The following KAZN variants were observed in gnomAD, a reference collection of about 807,000 sequenced individuals.
KAZN encodes the protein kazrin, periplakin interacting protein.
In KAZN, 40 loss-of-function variants were observed where a neutral mutation model predicts 87.4. The ratio of observed to expected loss-of-function variants is 0.46; its 90% CI spans 0.36 to 0.60. KAZN has a LOEUF of 0.60. Among genes scored for constraint, KAZN ranks in the 20% least tolerant of loss-of-function variants. The pLI is 0.00. For synonymous variants in KAZN, 466 were observed against 458.3 expected (o/e 1.02, Z -0.22); for missense variants, 898 against 1,073.9 (o/e 0.84, Z 2.29).
intron 1 of KAZN, among the ~76,000 whole-genome samples, chr1:14,653,407 G>A (rs1006563924): frequency 6.6e-6 from 1 of 152,214 alleles, no homozygotes; most frequent in Admixed American, 6.5e-5. Context: ...TGGGGCCCGT[G>A]GGAGACAATG....
At chr1:14,774,256 T>C (rs951856723) in intron 1 of KAZN, among the ~76,000 whole-genome samples, 1 of 151,680 alleles carries the variant, frequency 6.6e-6, no homozygotes, top group Non-Finnish European at 1.5e-5. Context: ...CTTGGCAGGG[T>C]CGCCTCTGTG....
intron 1 of KAZN, among the ~76,000 whole-genome samples, chr1:14,608,787 G>A (rs1475261886): frequency 2.6e-5 from 4 of 152,208 alleles, no homozygotes; most frequent in South Asian, 2.1e-4. Flanking sequence ...TTCGCAGCCA[G>A]GTCTCAGACT....
intron 2 of KAZN, among the ~76,000 whole-genome samples, chr1:14,574,544 G>A (rs1383963569): frequency 1.3e-5 from 2 of 152,188 alleles, no homozygotes; most frequent in Non-Finnish European, 2.9e-5. Flanking sequence ...CTGCCGCCAT[G>A]TAAGACATGC....
Position 14,737,929 on chromosome 1 carries a change from T to A in KAZN, c.226+138706T>A, listed in dbSNP as rs191434626. Among the ~76,000 whole-genome samples, 388 of 152,248 alleles carry A rather than the reference T, an allele frequency of 2.5e-3. 1 individual carries two copies. The highest frequency in any genetic ancestry group is 8.7e-3 in the African/African-American group (361 of 41,538). Reference sequence around the variant, plus strand: ...GTCAGGCCCACCTGGATGCTTTTTTTAAATAAAGAGCTCAAAGTCAACAGT... The same window carrying A: ...GTCAGGCCCACCTGGATGCTTTTTTAAAATAAAGAGCTCAAAGTCAACAGT... On this transcript the variant is annotated intron_variant, in intron 1 of 14. Coordinates refer to ENST00000376030, the MANE Select transcript of KAZN (RefSeq NM_201628.3).
At chr1:14,752,783 C>T (rs911328495) in intron 1 of KAZN, among the ~76,000 whole-genome samples, 2 of 152,082 alleles carry the variant, frequency 1.3e-5, no homozygotes, top group African/African-American at 4.8e-5. Context: ...GAGCCAAAAC[C>T]AGCGCTTAGT....
At chr1:14,084,566 T>C (rs1048368332) in intron 1 of KAZN, among the ~76,000 whole-genome samples, 3 of 152,134 alleles carry the variant, frequency 2.0e-5, no homozygotes, top group African/African-American at 7.2e-5. Context: ...GGGGATTGGC[T>C]ATCATTAAGC....
chr1:14,697,829 G>A (rs2148798000), intron 1 of KAZN, among the ~76,000 whole-genome samples: 1 of 152,312 alleles, frequency 6.6e-6, no homozygotes, highest in East Asian at 1.9e-4. Context: ...CTCTGGCCTG[G>A]TCCCCTGGCT....
chr1:15,045,936 G>C (rs1486371022), intron 4 of KAZN, among the ~76,000 whole-genome samples: 1 of 152,192 alleles, frequency 6.6e-6, no homozygotes, highest in Non-Finnish European at 1.5e-5. Flanking sequence ...ATGAGATTTG[G>C]CTGGGGACCC....
intron 1 of KAZN, among the ~76,000 whole-genome samples, chr1:14,904,137 T>A (rs1656228378): frequency 6.6e-6 from 1 of 152,090 alleles, no homozygotes; most frequent in African/African-American, 2.4e-5. Flanking sequence ...GCTCAGCCAC[T>A]TCCTAGTTGT....
At chr1:14,549,960 A>T (rs1673404136) in intron 2 of KAZN, among the ~76,000 whole-genome samples, 2 of 152,168 alleles carry the variant, frequency 1.3e-5, no homozygotes, top group African/African-American at 4.8e-5. Flanking sequence ...GATGTTTGGT[A>T]TATATTGTCC....
At chr1:14,095,801 C>T (rs1644114209) in intron 1 of KAZN, among the ~76,000 whole-genome samples, 1 of 152,106 alleles carries the variant, frequency 6.6e-6, no homozygotes, top group South Asian at 2.1e-4. Flanking sequence ...TTCATGGTCT[C>T]TTATGACCTA....
At chr1:14,217,166 C>G (rs985886283) in intron 2 of KAZN, among the ~76,000 whole-genome samples, 37 of 152,242 alleles carry the variant, frequency 2.4e-4, no homozygotes, top group African/African-American at 8.7e-4. Context: ...AAGACTCTTG[C>G]CAGATGCTGA....
At chr1:14,116,649 G>A (rs1167194429) in intron 1 of KAZN, among the ~76,000 whole-genome samples, 3 of 152,192 alleles carry the variant, frequency 2.0e-5, no homozygotes, top group African/African-American at 7.2e-5. Flanking sequence ...TCCCTACTGG[G>A]ATGCTGCTTA....
intron 1 of KAZN, among the ~76,000 whole-genome samples, chr1:14,156,253 A>G (rs1045236965): frequency 1.3e-5 from 2 of 152,208 alleles, no homozygotes; most frequent in African/African-American, 4.8e-5. Context: ...TTTGTGACCT[A>G]ACATATGGCC....
At chr1:14,952,127 A>G (rs542816499) in intron 1 of KAZN, among the ~76,000 whole-genome samples, 2 of 152,270 alleles carry the variant, frequency 1.3e-5, no homozygotes, top group East Asian at 3.9e-4. Flanking sequence ...GGTCTCTGCA[A>G]GGCTTCATGG....
chr1:14,626,297 A>G (rs191640671), intron 1 of KAZN, among the ~76,000 whole-genome samples: 1 of 152,370 alleles, frequency 6.6e-6, no homozygotes, highest in East Asian at 1.9e-4. Context: ...AGTGCTAAGC[A>G]TGGATGAAAA....
chr1:14,515,514 C>G (rs1381636593), intron 2 of KAZN, among the ~76,000 whole-genome samples: 4 of 152,198 alleles, frequency 2.6e-5, no homozygotes, highest in African/African-American at 4.8e-5. Context: ...GCAGCAGAAT[C>G]TTCAATGCAG....
chr1:14,283,937 T>A (rs948665863), intron 2 of KAZN, among the ~76,000 whole-genome samples: 7 of 152,126 alleles, frequency 4.6e-5, no homozygotes, highest in Non-Finnish European at 1.0e-4. Context: ...AAGGAATGAG[T>A]ACTGATACAC....
chr1:14,195,996 GGTGGT>G lies in KAZN; in HGVS notation c.249+15405_249+15409del, dbSNP rs150815388. Among the ~76,000 whole-genome samples the G allele has an allele frequency of 9.6e-3, 1,463 of 152,232 alleles. 11 individuals carry two copies. Among genetic ancestry groups the G allele is most frequent in the South Asian group, 0.015 (72 of 4,826 alleles). On this transcript the variant is annotated intron_variant, in intron 2 of 16. Coordinates refer to the KAZN transcript ENST00000636203. ...AAGTAGGGGCATCCAATATATGTAG[GGTGGT>G]CCAAAAAGGCCTTAAAAAACTAAGA... is the stretch of plus-strand genomic sequence containing the variant.
Sources: gnomAD v4.1 joint callset for allele counts (sites outside exome capture counted in the v4.1 genomes callset) on GRCh38, gnomAD v4.1.1 for gene constraint, MANE v1.5 for transcripts, NCBI Gene and HGNC (gene_info 2026-07-23, HGNC 2026-07-21) for gene names.